Variants in MYO16 observed in about 807,000 individuals in gnomAD.
MYO16 encodes the protein myosin XVI.
In MYO16, 94 loss-of-function variants were observed where a neutral mutation model predicts 205.3. The observed-to-expected ratio is 0.46, with a 90% CI of 0.39 to 0.54. The LOEUF is 0.54. Among genes scored for constraint, MYO16 ranks in the 20% least tolerant of loss-of-function variants. The pLI is 0.00. For missense variants in MYO16, 2,315 were observed against 2,387.5 expected (o/e 0.97, Z 0.63); for synonymous variants, 988 against 954.0 (o/e 1.04, Z -0.66).
chr13:108,811,327 AC>A (rs1299996921), intron 7 of MYO16, among the ~76,000 whole-genome samples: 3 of 151,970 alleles, frequency 2.0e-5, no homozygotes, highest in African/African-American at 7.2e-5. Flanking sequence ...TTATGCCCCT[AC>A]CCCTCTGACC....
At chr13:108,804,073 C>A (rs940915159) in intron 6 of MYO16, among the ~76,000 whole-genome samples, 1 of 152,144 alleles carries the variant, frequency 6.6e-6, no homozygotes, top group Admixed American at 6.6e-5. Context: ...GGCTGCAGAG[C>A]GTGGCTTCGG....
chr13:108,656,775 A>G (rs1252761905), intron 1 of MYO16, among the ~76,000 whole-genome samples: 1 of 152,228 alleles, frequency 6.6e-6, no homozygotes, highest in Non-Finnish European at 1.5e-5. Context: ...CCCATAATAG[A>G]TTCATACTGA....
At chr13:109,171,568 C>G (rs914577062) in intron 33 of MYO16, among the ~76,000 whole-genome samples, 5 of 152,198 alleles carry the variant, frequency 3.3e-5, no homozygotes, top group African/African-American at 1.2e-4. Context: ...CATCCTTTTA[C>G]TGATGCGAGC....
intron 16 of MYO16, among the ~76,000 whole-genome samples, chr13:108,945,195 A>T (rs1882889092): frequency 6.6e-6 from 1 of 152,194 alleles, no homozygotes; most frequent in African/African-American, 2.4e-5. Context: ...GCTGAAGCAC[A>T]TCAGTCCAAA....
intron 1 of MYO16, among the ~76,000 whole-genome samples, chr13:108,614,021 A>T (rs1020220210): frequency 6.6e-6 from 1 of 152,102 alleles, no homozygotes; most frequent in African/African-American, 2.4e-5. Context: ...AATTCAGATT[A>T]AAAAATGAGA....
At chr13:108,594,238 C>A (rs1018349768), upstream of MYO16, among the ~76,000 whole-genome samples, 5 of 152,188 alleles carry the variant, frequency 3.3e-5, no homozygotes, top group African/African-American at 9.7e-5. Context: ...CACAGAATAT[C>A]CCACTTCCTT....
intron 2 of MYO16, among the ~76,000 whole-genome samples, chr13:108,706,345 C>T (rs560754083): frequency 8.4e-4 from 127 of 152,086 alleles, no homozygotes; most frequent in African/African-American, 2.9e-3. Context: ...AAAGAAAGGC[C>T]TAAGAGATAT....
intron 34 of MYO16, among the ~76,000 whole-genome samples, chr13:109,197,104 C>G (rs1322080135): frequency 6.6e-6 from 1 of 152,140 alleles, no homozygotes; most frequent in Non-Finnish European, 1.5e-5. Context: ...TGGTGACTGT[C>G]CCCCTCTCCT....
chr13:108,598,849 C>CTT (rs5806742), intron 1 of MYO16, among the ~76,000 whole-genome samples: 3 of 149,528 alleles, frequency 2.0e-5, no homozygotes, highest in African/African-American at 7.4e-5. Context: ...TTCTTTTTTT[C>CTT]TTTTTTTTTT....
chr13:108,817,485 C>T (rs1407041898), intron 7 of MYO16, among the ~76,000 whole-genome samples: 4 of 151,300 alleles, frequency 2.6e-5, no homozygotes, highest in African/African-American at 9.7e-5. Context: ...ATAAATCACA[C>T]TGTGTTTTCT....
the MYO16 span, among the ~76,000 whole-genome samples, chr13:108,499,104 G>A: frequency 6.6e-6 from 1 of 152,120 alleles, no homozygotes; most frequent in African/African-American, 2.4e-5. Flanking sequence ...TTCAGAACAT[G>A]GTTGACTCAT....
chr13:108,579,542 G>A, the MYO16 span, among the ~76,000 whole-genome samples: 1 of 150,168 alleles, frequency 6.7e-6, no homozygotes, highest in Non-Finnish European at 1.5e-5. Context: ...CCGGGTTCAA[G>A]CAATTCTCCT....
chr13:108,795,753 T>A (rs1566334261), intron 6 of MYO16, among the ~76,000 whole-genome samples: 2 of 152,188 alleles, frequency 1.3e-5, no homozygotes, highest in Non-Finnish European at 2.9e-5. Context: ...TTGTCATGGA[T>A]CCACATTTCA....
intron 32 of MYO16, among the ~76,000 whole-genome samples, chr13:109,155,447 A>G (rs1267349156): frequency 2.0e-5 from 3 of 152,334 alleles, no homozygotes; most frequent in South Asian, 2.1e-4. Context: ...CGAGACATTT[A>G]AAGTCAGTAG....
At chr13:109,043,086 G>A (rs1273848330) in intron 23 of MYO16, among the ~76,000 whole-genome samples, 2 of 152,156 alleles carry the variant, frequency 1.3e-5, no homozygotes, top group African/African-American at 4.8e-5. Context: ...ACATTATCTT[G>A]TGCTGATGAA....
At chr13:108,813,695 A>G in intron 7 of MYO16, among the ~76,000 whole-genome samples, 1 of 152,148 alleles carries the variant, frequency 6.6e-6, no homozygotes, top group Non-Finnish European at 1.5e-5. Context: ...GACACACAAC[A>G]CATACACACT....
chr13:108,583,143 A>C, the MYO16 span, among the ~76,000 whole-genome samples: 2 of 152,208 alleles, frequency 1.3e-5, no homozygotes, highest in Admixed American at 1.3e-4. Flanking sequence ...AAATCATAGG[A>C]GCAAGAATGA....
chr13:108,677,707 C>T (rs984676418), intron 2 of MYO16, among the ~76,000 whole-genome samples: 1 of 152,082 alleles, frequency 6.6e-6, no homozygotes, highest in Non-Finnish European at 1.5e-5. Flanking sequence ...GCTCCCTTCT[C>T]ATAAGCCAGA....
the MYO16 span, among the ~76,000 whole-genome samples, chr13:108,520,049 G>A: frequency 6.6e-6 from 1 of 152,114 alleles, no homozygotes; most frequent in African/African-American, 2.4e-5. Flanking sequence ...CATTTTCGCT[G>A]AGAAAATAAT....
Sources: gnomAD v4.1 joint callset for allele counts (sites outside exome capture counted in the v4.1 genomes callset) on GRCh38, gnomAD v4.1.1 for gene constraint, MANE v1.5 for transcripts, NCBI Gene and HGNC (gene_info 2026-07-23, HGNC 2026-07-21) for gene names.